Variants in CSMD2 observed in about 807,000 individuals in gnomAD.
CSMD2 encodes CUB and sushi domain-containing protein 2.
CSMD2 carries 130 observed loss-of-function variants against 398.5 expected under a neutral mutation model. That is an observed-to-expected ratio of 0.33 (90% CI 0.28 to 0.38). CSMD2 has a LOEUF of 0.38. Ranked by LOEUF, CSMD2 falls within the 10% of genes least tolerant of loss-of-function variation. CSMD2 has a pLI of 1.00. For missense variants in CSMD2, 3,829 were observed against 4,764.9 expected (o/e 0.80, Z 5.78); for synonymous variants, 1,828 against 1,908.5 (o/e 0.96, Z 1.10).
rs576661611 is a variant in CSMD2 at position 33,704,911 on chromosome 1, C to T, written c.3576+4178G>A. Among the ~76,000 whole-genome samples, 96 of 152,048 alleles carry T rather than the reference C, an allele frequency of 6.3e-4. 1 individual carries two copies. In the Middle Eastern group the frequency reaches 0.01, roughly 16 times the overall value. ...CCAAGTAGCTGGGACTACAGGCACC[C>T]GCCATCACGTCCCGCTAATTTTTTT... On this transcript the variant is annotated intron_variant, in intron 22 of 70. Coordinates refer to ENST00000373381, the MANE Select transcript of CSMD2 (RefSeq NM_001281956.2).
At position 33,569,448 on chromosome 1, in the gene CSMD2, T is replaced by C; in HGVS notation, c.8057A>G (p.Tyr2686Cys). The change falls in exon 52 of 71, where the codon TAC becomes TGC. Residue 2686 changes from tyrosine to cysteine, a missense_variant. Around this residue, in one of 5 missense-constraint regions of CSMD2, gnomAD observed 723 missense variants for 758.6 expected, o/e 0.95. Coordinates refer to ENST00000373381, the MANE Select transcript of CSMD2 (RefSeq NM_001281956.2). Reference protein sequence around the residue: ...ATAIFSCNSGYTLVGSRVREC... With the variant: ...ATAIFSCNSGCTLVGSRVREC... ...ACGCACCCTGGAGCCCACCAGTGTG[T>C]ATCCGGAATTGCAGGAGAAGATGGC... is the stretch of plus-strand genomic sequence containing the variant. 1 of 1,614,142 alleles carries C rather than the reference T, an allele frequency of 6.2e-7. No individual in the cohort carries two copies. Among genetic ancestry groups the C allele is most frequent in the Non-Finnish European group, 8.5e-7 (1 of 1,180,014 alleles).
chr1:33,766,325 T>G (rs746498417), intron 13 of CSMD2, among the ~76,000 whole-genome samples: 7 of 152,144 alleles, frequency 4.6e-5, no homozygotes, highest in Non-Finnish European at 8.8e-5. Flanking sequence ...CCTCTCATCT[T>G]TCGGGCCCAA....
chr1:33,976,918 G>A (rs371034217), intron 3 of CSMD2, among the ~76,000 whole-genome samples: 8 of 152,104 alleles, frequency 5.3e-5, no homozygotes, highest in East Asian at 3.9e-4. Context: ...TTCAAGTGTC[G>A]TGGAGTTCAG....
chr1:34,086,597 A>T (rs915879914), intron 2 of CSMD2, among the ~76,000 whole-genome samples: 1 of 152,044 alleles, frequency 6.6e-6, no homozygotes, highest in Non-Finnish European at 1.5e-5. Flanking sequence ...CCCACACCCA[A>T]TGCAACAACA....
intron 1 of CSMD2, among the ~76,000 whole-genome samples, chr1:34,097,441 A>G (rs1487115655): frequency 3.7e-5 from 4 of 107,394 alleles, no homozygotes; most frequent in African/African-American, 1.1e-4. Flanking sequence ...GAGCTTCTGC[A>G]CAGCAAAAGA....
chr1:34,057,368 C>G (rs1323145224), intron 2 of CSMD2, among the ~76,000 whole-genome samples: 3 of 152,218 alleles, frequency 2.0e-5, no homozygotes, highest in Non-Finnish European at 4.4e-5. Flanking sequence ...CTTTTCCCTT[C>G]TCCTAGACCC....
chr1:33,825,547 G>A (rs546284753), intron 7 of CSMD2, 150 bp downstream of exon 7: 2 of 700,884 alleles, frequency 2.9e-6, no homozygotes, highest in Non-Finnish European at 2.4e-6. Flanking sequence ...TGGCCGTTGG[G>A]TCAGTGTGTC....
intron 21 of CSMD2, among the ~76,000 whole-genome samples, chr1:33,712,857 C>T (rs1000855374): frequency 5.3e-5 from 8 of 152,146 alleles, no homozygotes; most frequent in Admixed American, 1.3e-4. Flanking sequence ...TGGGTGGATG[C>T]CTTTGGGGAT....
chr1:33,849,742 A>T (rs1638561232), intron 5 of CSMD2, among the ~76,000 whole-genome samples: 1 of 151,840 alleles, frequency 6.6e-6, no homozygotes, highest in African/African-American at 2.4e-5. Flanking sequence ...CAGCCTGGGC[A>T]AGACAGTGAG....
At chr1:34,141,859 G>C (rs186452703) in intron 1 of CSMD2, among the ~76,000 whole-genome samples, 89 of 152,260 alleles carry the variant, frequency 5.8e-4, no homozygotes, top group African/African-American at 2.1e-3. Flanking sequence ...TCGGACCCTT[G>C]GGTGTGATGT....
chr1:33,604,941 G>A (rs1640487295), intron 42 of CSMD2, among the ~76,000 whole-genome samples: 1 of 152,202 alleles, frequency 6.6e-6, no homozygotes, highest in Non-Finnish European at 1.5e-5. Flanking sequence ...CTAGCTCTCA[G>A]CATACCACTG....
At chr1:33,881,269 C>T (rs1641219897) in intron 5 of CSMD2, among the ~76,000 whole-genome samples, 1 of 152,158 alleles carries the variant, frequency 6.6e-6, no homozygotes, top group Non-Finnish European at 1.5e-5. Flanking sequence ...TCAGTCTTCC[C>T]TCCTTGGGGT....
At chr1:33,821,482 C>T (rs760210422) in intron 7 of CSMD2, among the ~76,000 whole-genome samples, 27 of 152,188 alleles carry the variant, frequency 1.8e-4, no homozygotes, top group Non-Finnish European at 3.8e-4. Flanking sequence ...TCACCAATCC[C>T]ATGACCCCAA....
chr1:33,729,080 C>G (rs1043060573), intron 15 of CSMD2, among the ~76,000 whole-genome samples: 1 of 152,152 alleles, frequency 6.6e-6, no homozygotes, highest in Non-Finnish European at 1.5e-5. Flanking sequence ...AGGAGGGACT[C>G]TTTCTTGGCT....
At chr1:33,658,256 C>T (rs1166733934) in intron 26 of CSMD2, 119 bp from the exon 27 acceptor site, 4 of 762,900 alleles carry the variant, frequency 5.2e-6, no homozygotes, top group Non-Finnish European at 8.7e-6. Context: ...CCACCAGAAC[C>T]TCCCCATCAT....
At chr1:33,724,855 TGA>T (rs1646476300) in intron 17 of CSMD2, 151 bp from the exon 18 acceptor site, 1 of 711,144 alleles carries the variant, frequency 1.4e-6, no homozygotes, top group Non-Finnish European at 2.3e-6. Context: ...CAGAATTTGC[TGA>T]GAGTGGCTTA....
intron 27 of CSMD2, among the ~76,000 whole-genome samples, chr1:33,653,072 T>C (rs1643850371): frequency 6.6e-6 from 1 of 152,166 alleles, no homozygotes; most frequent in Non-Finnish European, 1.5e-5. Context: ...AATTATTCTT[T>C]AAAAATACCT....
intron 64 of CSMD2, among the ~76,000 whole-genome samples, chr1:33,530,342 A>G (rs1570631729): frequency 6.6e-6 from 1 of 152,216 alleles, no homozygotes; most frequent in East Asian, 1.9e-4. Context: ...TATATGAAAA[A>G]TGCTCAGCAT....
intron 13 of CSMD2, among the ~76,000 whole-genome samples, chr1:33,766,176 T>C (rs958069755): frequency 6.6e-6 from 1 of 152,286 alleles, no homozygotes; most frequent in East Asian, 1.9e-4. Flanking sequence ...AGTCCTGCAG[T>C]GTGGGCGCGC....
Sources: allele counts gnomAD v4.1 joint callset (sites outside exome capture counted in the v4.1 genomes callset), GRCh38; gene constraint gnomAD v4.1.1; regional missense constraint gnomAD v4.1.1; transcripts MANE v1.5; gene names NCBI Gene and HGNC (gene_info 2026-07-23, HGNC 2026-07-21).